LIPG: variants seen among roughly 807,000 people sequenced by gnomAD.
LIPG encodes lipase G, endothelial type.
LIPG carries 34 observed loss-of-function variants against 51.8 expected under a neutral mutation model. The ratio of observed to expected loss-of-function variants is 0.66; its 90% confidence interval spans 0.50 to 0.87. The LOEUF (loss-of-function observed/expected upper bound fraction) is 0.87, where lower values mean the gene tolerates loss of function less well. Ranked by LOEUF, LIPG falls within the 40% of genes least tolerant of loss-of-function variation. The pLI is 0.00. For synonymous variants in LIPG, 246 were observed against 246.1 expected (o/e 1.00, Z 0.00); for missense variants, 580 against 652.7 (o/e 0.89, Z 1.21).
chr18:49,579,534 G>A (rs2084791149), intron 5 of LIPG, among the ~76,000 whole-genome samples: 1 of 151,844 alleles, frequency 6.6e-6, no homozygotes, highest in Admixed American at 6.6e-5. Context: ...TTTTGGGGGG[G>A]TTTCTTATCC....
intron 5 of LIPG, among the ~76,000 whole-genome samples, chr18:49,579,049 A>C (rs1444583471): frequency 0.056 from 1 of 18 alleles, no homozygotes; most frequent in East Asian, 0.5. Flanking sequence ...GGAGAGGGAG[A>C]GGGAGAGGGA....
At chr18:49,564,436 G>A (rs1568525417) in intron 1 of LIPG, among the ~76,000 whole-genome samples, 1 of 152,262 alleles carries the variant, frequency 6.6e-6, no homozygotes, top group Non-Finnish European at 1.5e-5. Context: ...TTTGGGAGCA[G>A]GGCCGTCTCC....
At position 49,562,399 on chromosome 18, in the gene LIPG, C is replaced by G; in HGVS notation, c.91C>G (p.Leu31Val). The G allele has an allele frequency of 6.2e-7, 1 of 1,613,874 alleles. No homozygotes were observed. The highest frequency in any genetic ancestry group is 8.5e-7 in the Non-Finnish European group (1 of 1,179,798). ...CGTACCTTTTGGTCCAGAGGGACGG[C>G]TGGAAGGTAACGTGAATTTGTTTTT... ...SPVPFGPEGR[L>V]EDKLHKPKAT... The change falls in exon 1 of 10, where the codon CTG (leucine) becomes GTG (valine). Residue 31 changes from leucine (L) to valine (V), a missense_variant. By Grantham distance (32) the Leu-to-Val change is conservative. Transcript: ENST00000261292.
chr18:49,570,719 C>G (rs971486584), intron 4 of LIPG, among the ~76,000 whole-genome samples: 6 of 152,148 alleles, frequency 3.9e-5, no homozygotes, highest in Non-Finnish European at 8.8e-5. Flanking sequence ...ATCCCAGCTA[C>G]TTGGGAGGCT....
rs757150453 is a variant in LIPG at position 49,569,432 on chromosome 18, T to C, written c.460-5T>C. 6.2e-7 allele frequency: 1 copy of C among 1,613,864 alleles called. No homozygotes were observed. ...CTGCTCACATACTTTGGTGACTTTC[T>C]ATAGGAGAAGGACGATTTTTCTCTC... On this transcript the variant is annotated splice_polypyrimidine_tract_variant and splice_region_variant and intron_variant, in intron 3 of 9. Transcript: ENST00000261292.
At chr18:49,568,786 C>A (rs918264554) in intron 3 of LIPG, among the ~76,000 whole-genome samples, 1 of 152,160 alleles carries the variant, frequency 6.6e-6, no homozygotes, top group African/African-American at 2.4e-5. Context: ...TGGGCAATTC[C>A]GGCCTGGCCT....
intron 5 of LIPG, among the ~76,000 whole-genome samples, chr18:49,579,526 T>C (rs990650995): frequency 4.0e-5 from 6 of 151,882 alleles, no homozygotes; most frequent in African/African-American, 1.5e-4. Flanking sequence ...GTGACCAATT[T>C]TGGGGGGGTT....
Position 49,575,853 on chromosome 18 carries a change from T to A in LIPG, c.793+263T>A, listed in dbSNP as rs187860976. 6.1e-3 allele frequency among the ~76,000 whole-genome samples: 933 copies of A among 151,974 alleles called. 8 individuals carry two copies. Among genetic ancestry groups the A allele is most frequent in the African/African-American group, 0.021 (868 of 41,460 alleles). Reference sequence around the variant, plus strand: ...TTTCTTTTTCTTTCTTTTTTTTTTTTTTGAGAGGGAGTTTTGCTCTTGTTG... The same window carrying A: ...TTTCTTTTTCTTTCTTTTTTTTTTTATTGAGAGGGAGTTTTGCTCTTGTTG... On this transcript the variant is annotated intron_variant, in intron 5 of 9. Coordinates refer to ENST00000261292, the MANE Select transcript of LIPG (RefSeq NM_006033.4).
chr18:49,579,769 T>TTTCCTTTCCTTTCCTTTCC lies in LIPG; in HGVS notation c.794-1644_794-1643insCCTTTCCTTTCCTTTCCTT, dbSNP rs1568533484. Among the ~76,000 whole-genome samples, 36 of 27,976 alleles carry TTTCCTTTCCTTTCCTTTCC rather than the reference T, an allele frequency of 1.3e-3. 1 individual carries two copies. The highest frequency in any genetic ancestry group is 4.0e-3 in the African/African-American group (24 of 6,060). 18.4% of individuals were successfully genotyped at this position (27,976 alleles called of 152,430 possible). A position where few individuals can be genotyped will look rare whatever the true frequency, so the allele number is the denominator to read the frequency against. On this transcript the variant is annotated intron_variant, in intron 5 of 9. Coordinates refer to ENST00000261292, the MANE Select transcript of LIPG (RefSeq NM_006033.4). ...CTTTCCTTTCCTTTCCTTTCCTTTC[T>TTTCCTTTCCTTTCCTTTCC]TTTCTTTTCTTTTCTTTTCTTTTCT...
In LIPG at chr18:49,591,755, T is replaced by C. The variant is rs2084946832; in HGVS notation, c.*1233T>C. 1 of 152,204 alleles carries C rather than the reference T, an allele frequency of 6.6e-6. No individual in the cohort carries two copies. The highest frequency in any genetic ancestry group is 6.5e-5 in the Admixed American group (1 of 15,278). The allele number at this position is 152,204 out of a possible 1,614,324, so 9.4% of individuals were successfully genotyped here. Reference sequence around the variant, plus strand: ...ACTTTTCAAAAGATTTGTGTATGCATTGCCTAATTAGAGTAGGGGGAGAAG... The same window carrying C: ...ACTTTTCAAAAGATTTGTGTATGCACTGCCTAATTAGAGTAGGGGGAGAAG... On this transcript the variant is annotated 3_prime_UTR_variant, in exon 10 of 10. Transcript: ENST00000261292.
rs1385869195 is a variant in LIPG at position 49,597,098 on chromosome 18, CA to C, written c.*6578del. 2.6e-5 allele frequency: 4 copies of C among 152,230 alleles called. No individual in the cohort carries two copies. Among genetic ancestry groups the C allele is most frequent in the Non-Finnish European group, 5.9e-5 (4 of 68,054 alleles). 9.4% of individuals were successfully genotyped at this position (152,230 alleles called of 1,614,324 possible). On this transcript the variant is annotated 3_prime_UTR_variant, in exon 10 of 10. Coordinates refer to ENST00000261292, the MANE Select transcript of LIPG (RefSeq NM_006033.4). ...CAAAAGGAAATTTTCCTCTCCCTAGCAAGCAAACTCAGAAACAAACAAACAA... is the reference window on the plus strand; with the variant it reads ...CAAAAGGAAATTTTCCTCTCCCTAGCAGCAAACTCAGAAACAAACAAACAA...
In LIPG at chr18:49,586,823, A is replaced by G. The variant is rs534468173; in HGVS notation, c.1454A>G (p.Asp485Gly). ...GAGCTCTGGTTTCGCAAGTGTCGGGATGGCTGGAGGATGAAAAACGAAACC... is the reference window on the plus strand; with the variant it reads ...GAGCTCTGGTTTCGCAAGTGTCGGGGTGGCTGGAGGATGAAAAACGAAACC... ...GRELWFRKCR[D>G]GWRMKNETSP... The change falls in exon 9 of 10, where the codon GAT becomes GGT. Residue 485 changes from aspartate to glycine, a missense_variant. By Grantham distance (94) the Asp-to-Gly change is moderately conservative. Coordinates refer to ENST00000261292, the MANE Select transcript of LIPG (RefSeq NM_006033.4). 1 of 1,614,108 alleles carries G rather than the reference A, an allele frequency of 6.2e-7. No individual in the cohort carries two copies. The highest frequency in any genetic ancestry group is 1.7e-5 in the Admixed American group (1 of 60,012).
intron 1 of LIPG, among the ~76,000 whole-genome samples, 170 bp from the exon 2 acceptor site, chr18:49,565,147 A>G (rs56005142): frequency 0.043 from 6,523 of 152,286 alleles, 458 homozygotes; most frequent in African/African-American, 0.15. Context: ...GTCCTTTTTT[A>G]TAAAATGTTC....
rs200103565 is a variant in LIPG at position 49,565,334 on chromosome 18, A to C, written c.115A>C (p.Lys39Gln). 1,711 of 1,614,124 alleles carry C rather than the reference A, an allele frequency of 1.1e-3. 30 individuals are homozygous for C. The South Asian group carries it at 0.017, about 16-fold the overall frequency. ...GRLEDKLHKPKATQTEVKPSV... is the reference protein window; with the variant it reads ...GRLEDKLHKPQATQTEVKPSV... Reference sequence around the variant, plus strand: ...CTCCCCAGATAAGCTCCACAAACCCAAAGCTACACAGACTGAGGTCAAACC... The same window carrying C: ...CTCCCCAGATAAGCTCCACAAACCCCAAGCTACACAGACTGAGGTCAAACC... Residue 39 changes from lysine (K) to glutamine (Q), a missense_variant, in exon 2 of 10, where the codon AAA (lysine) becomes CAA (glutamine). Lys to Gln is a moderately conservative substitution (Grantham distance 53). Coordinates refer to ENST00000261292, the MANE Select transcript of LIPG (RefSeq NM_006033.4).
chr18:49,564,343 T>C (rs2084580643), intron 1 of LIPG, among the ~76,000 whole-genome samples: 1 of 152,148 alleles, frequency 6.6e-6, no homozygotes, highest in South Asian at 2.1e-4. Flanking sequence ...GTGGGGTCCA[T>C]TTATGACTTT....
rs776284980 is a variant in LIPG at position 49,583,568 on chromosome 18, C to G, written c.1170C>G (p.Ile390Met). 5.6e-6 allele frequency: 9 copies of G among 1,614,056 alleles called. No individual in the cohort carries two copies. The South Asian group carries it at 8.8e-5, about 16-fold the overall frequency. ...QTLPLEIVER[I>M]EQNATNTFLV... ...CTCCCACTTGTAGAGTGGAGCGGAT[C>G]GAGCAGAATGCCACCAACACCTTCC... is the stretch of plus-strand genomic sequence containing the variant. The change falls in exon 8 of 10, where the codon ATC becomes ATG. Residue 390 changes from isoleucine to methionine, a missense_variant. By Grantham distance (10) the Ile-to-Met change is conservative. Transcript: ENST00000261292.
intron 4 of LIPG, 26 bp from the exon 5 acceptor site, chr18:49,575,343 T>C: frequency 6.2e-7 from 1 of 1,603,344 alleles, no homozygotes; most frequent in South Asian, 1.1e-5. Context: ...ACACCACAGC[T>C]GTTTTGGGGC....
At chr18:49,579,770 TTTC>T (rs2084795578) in intron 5 of LIPG, among the ~76,000 whole-genome samples, 2 of 47,298 alleles carry the variant, frequency 4.2e-5, no homozygotes, top group Non-Finnish European at 9.5e-5. Context: ...TTTCCTTTCT[TTTC>T]TTTTCTTTTC....
At chr18:49,589,904 A>G (rs1251009783) in intron 9 of LIPG, 2 of 160,130 alleles carry the variant, frequency 1.2e-5, no homozygotes, top group Non-Finnish European at 2.8e-5. Context: ...ATAGGAGTCC[A>G]AGTAATAAAT....
Sources: gnomAD v4.1 joint callset for allele counts (sites outside exome capture counted in the v4.1 genomes callset) on GRCh38, gnomAD v4.1.1 for gene constraint, MANE v1.5 for transcripts, NCBI Gene and HGNC (gene_info 2026-07-23, HGNC 2026-07-21) for gene names.